TENM4: variants seen among roughly 807,000 people sequenced by gnomAD.
TENM4 encodes the protein teneurin-4.
TENM4 carries 82 observed loss-of-function variants against 243.3 expected under a neutral mutation model. That is an observed-to-expected ratio of 0.34 (90% CI 0.28 to 0.40). TENM4 has a LOEUF of 0.40. Ranked by LOEUF, TENM4 falls within the 10% of genes least tolerant of loss-of-function variation. TENM4 has a pLI of 1.00. For missense variants in TENM4, 3,138 were observed against 3,673.3 expected, an observed-to-expected ratio of 0.85 and a Z score of 3.77; for synonymous variants, 1,412 against 1,456.3, an observed-to-expected ratio of 0.97 and a Z score of 0.69.
chr11:78,973,309 C>T (rs772488376), intron 6 of TENM4, among the ~76,000 whole-genome samples: 2 of 152,202 alleles, frequency 1.3e-5, no homozygotes, highest in African/African-American at 2.4e-5. Flanking sequence ...TATGAGGGTG[C>T]CAATTTCTCC....
intron 6 of TENM4, among the ~76,000 whole-genome samples, chr11:79,032,947 T>G (rs368074236): frequency 1.3e-3 from 201 of 151,980 alleles, no homozygotes; most frequent in African/African-American, 4.7e-3. Context: ...TTATTTGGAG[T>G]GGAAATTAAA....
chr11:79,382,754 G>A (rs1229381774), intron 1 of TENM4, among the ~76,000 whole-genome samples: 2 of 152,004 alleles, frequency 1.3e-5, no homozygotes, highest in Non-Finnish European at 2.9e-5. Flanking sequence ...TTCTTCAAAG[G>A]CTCAGAGCTG....
intron 18 of TENM4, among the ~76,000 whole-genome samples, chr11:78,765,454 T>A (rs187173733): frequency 9.2e-5 from 14 of 152,310 alleles, no homozygotes; most frequent in African/African-American, 3.4e-4. Flanking sequence ...TTGTTCTCAG[T>A]TTTCCTGAAA....
intron 6 of TENM4, among the ~76,000 whole-genome samples, chr11:78,992,381 A>T (rs945047697): frequency 6.6e-6 from 1 of 152,246 alleles, no homozygotes; most frequent in African/African-American, 2.4e-5. Flanking sequence ...GGGACTCCCA[A>T]ACCCCTAGTA....
intron 27 of TENM4, among the ~76,000 whole-genome samples, chr11:78,706,802 A>G (rs1184169655): frequency 6.6e-6 from 1 of 152,170 alleles, no homozygotes; most frequent in Non-Finnish European, 1.5e-5. Context: ...TGAGAATTGA[A>G]AATACTTGTA....
At position 79,069,865 on chromosome 11, in the gene TENM4, G is replaced by C; in HGVS notation, c.80C>G (p.Ala27Gly). ...DAERRYTSSS[A>G]DSEEGKAPQK... is the part of the protein sequence containing the mutation. Reference sequence around the variant, plus strand: ...CGGGGCTTTGCCCTCCTCGCTGTCCGCGGACGAGCTGGTGTAGCGGCGCTC... The same window carrying C: ...CGGGGCTTTGCCCTCCTCGCTGTCCCCGGACGAGCTGGTGTAGCGGCGCTC... The change falls in exon 5 of 34, where the codon GCG (alanine) becomes GGG (glycine). Residue 27 changes from alanine to glycine, a missense_variant. By Grantham distance (60) the Ala-to-Gly change is moderately conservative (BLOSUM62 0). Transcript: ENST00000278550. The C allele has an allele frequency of 2.6e-6, 4 of 1,550,094 alleles. No individual in the cohort carries two copies. The highest frequency in any genetic ancestry group is 3.5e-6 in the Non-Finnish European group (4 of 1,146,868).
At chr11:78,942,556 C>T (rs532876903) in intron 6 of TENM4, among the ~76,000 whole-genome samples, 1 of 152,090 alleles carries the variant, frequency 6.6e-6, no homozygotes, top group Non-Finnish European at 1.5e-5. Context: ...GCCTGTGGGC[C>T]AAGGGTTGGA....
chr11:79,046,745 A>G lies in TENM4; in HGVS notation c.493+17993T>C, dbSNP rs185818832. Among the ~76,000 whole-genome samples, 5 of 152,276 alleles carry G rather than the reference A, an allele frequency of 3.3e-5. No individual in the cohort carries two copies. In the East Asian group the frequency reaches 9.7e-4, roughly 29 times the overall value. On this transcript the variant is annotated intron_variant, in intron 6 of 33. Transcript: ENST00000278550. ...TGGAGCTAGGAAGAGGCAGAGAAAG[A>G]TTCACCTACAGGGTTCAGAGAGAGC...
At chr11:79,267,352 C>A (rs1855899758) in intron 2 of TENM4, among the ~76,000 whole-genome samples, 1 of 152,146 alleles carries the variant, frequency 6.6e-6, no homozygotes, top group Non-Finnish European at 1.5e-5. Flanking sequence ...GGCCATTTAC[C>A]CTGTTCAAAT....
chr11:78,905,568 A>G (rs1302047567), intron 6 of TENM4, among the ~76,000 whole-genome samples: 1 of 152,176 alleles, frequency 6.6e-6, no homozygotes, highest in Non-Finnish European at 1.5e-5. Flanking sequence ...CAGCTCCATC[A>G]TGCATCCTCC....
intron 19 of TENM4, among the ~76,000 whole-genome samples, chr11:78,742,205 G>C (rs1855946654): frequency 6.6e-6 from 1 of 152,154 alleles, no homozygotes; most frequent in Non-Finnish European, 1.5e-5. Context: ...GAGAGGATAA[G>C]CACGGGATGC....
intron 1 of TENM4, among the ~76,000 whole-genome samples, chr11:79,362,315 G>A (rs913741357): frequency 6.6e-6 from 1 of 152,168 alleles, no homozygotes; most frequent in African/African-American, 2.4e-5. Context: ...AGCAGAGGGG[G>A]AAATAATACC....
In TENM4 at chr11:79,346,950, T is replaced by A. The variant is rs532586005; in HGVS notation, c.-320-49407A>T. Reference sequence around the variant, plus strand: ...TCTCATGGTTCGGGGTTTCTCTCCTTATCCCACCAAACCACTGCCTTTGCA... The same window carrying A: ...TCTCATGGTTCGGGGTTTCTCTCCTAATCCCACCAAACCACTGCCTTTGCA... On this transcript the variant is annotated intron_variant, in intron 1 of 33. Coordinates refer to ENST00000278550, the MANE Select transcript of TENM4 (RefSeq NM_001098816.3). Among the ~76,000 whole-genome samples the A allele has an allele frequency of 2.6e-5, 4 of 152,294 alleles. No homozygotes were observed. In the East Asian group the frequency reaches 7.7e-4, roughly 29 times the overall value.
intron 4 of TENM4, among the ~76,000 whole-genome samples, chr11:79,111,728 G>A (rs898096076): frequency 4.6e-5 from 7 of 152,106 alleles, no homozygotes; most frequent in South Asian, 4.1e-4. Flanking sequence ...GCCTGCCCTC[G>A]GGAGCCCACA....
At chr11:79,275,379 T>C (rs542939211) in intron 2 of TENM4, among the ~76,000 whole-genome samples, 2 of 152,344 alleles carry the variant, frequency 1.3e-5, no homozygotes, top group Admixed American at 6.5e-5. Context: ...TTAAGTTATT[T>C]ATGTGCAAAA....
At chr11:79,368,382 G>A (rs1393406650) in intron 1 of TENM4, among the ~76,000 whole-genome samples, 1 of 152,224 alleles carries the variant, frequency 6.6e-6, no homozygotes, top group East Asian at 1.9e-4. Flanking sequence ...CACCAACCTC[G>A]ACAGAGACAG....
At chr11:79,412,655 A>G (rs1858724767) in intron 1 of TENM4, among the ~76,000 whole-genome samples, 1 of 152,278 alleles carries the variant, frequency 6.6e-6, no homozygotes, top group Non-Finnish European at 1.5e-5. Flanking sequence ...AAACAGCACT[A>G]TGGCATAAAA....
At chr11:79,256,802 C>T (rs1855707907) in intron 2 of TENM4, among the ~76,000 whole-genome samples, 1 of 152,146 alleles carries the variant, frequency 6.6e-6, no homozygotes, top group Non-Finnish European at 1.5e-5. Flanking sequence ...GGTGATAGGG[C>T]TTTCTGGGAA....
chr11:78,801,447 AG>A (rs1565384638), intron 15 of TENM4, among the ~76,000 whole-genome samples: 1 of 152,168 alleles, frequency 6.6e-6, no homozygotes, highest in Non-Finnish European at 1.5e-5. Context: ...GGACTGAAAG[AG>A]GAATTTCTGA....
Sources: allele counts gnomAD v4.1 joint callset (sites outside exome capture counted in the v4.1 genomes callset), GRCh38; gene constraint gnomAD v4.1.1; transcripts MANE v1.5; gene names NCBI Gene and HGNC (gene_info 2026-07-23, HGNC 2026-07-21).